RP1: variants seen among roughly 807,000 people sequenced by gnomAD.
The protein encoded by RP1 is RP1 axonemal microtubule associated.
A neutral mutation model predicts 14.8 loss-of-function variants in RP1; 16 were observed. That is an observed-to-expected ratio of 1.08 (90% CI 0.73 to 1.65). The LOEUF (loss-of-function observed/expected upper bound fraction) is 1.65, where lower values mean the gene tolerates loss of function less well. RP1 is among the 40% of genes most tolerant of loss of function. The pLI, the probability that RP1 is intolerant of heterozygous loss-of-function variation, is 0.00. For synonymous variants in RP1, 876 were observed against 883.6 expected, an observed-to-expected ratio of 0.99 and a Z score of 0.15; for missense variants, 2,631 against 2,535.0, an observed-to-expected ratio of 1.04 and a Z score of -0.81.
chr8:54,784,709 T>G (rs1363202761), intron 24 of RP1, among the ~76,000 whole-genome samples: 3 of 152,100 alleles, frequency 2.0e-5, no homozygotes, highest in Non-Finnish European at 4.4e-5. Context: ...GGTTATTAAA[T>G]CCTTATGACA....
chr8:54,734,529 C>T (rs1045738252), intron 17 of RP1: 5 of 1,527,132 alleles, frequency 3.3e-6, no homozygotes, highest in Non-Finnish European at 4.4e-6. Context: ...GCCACTAATG[C>T]TTTTTTCCCC....
chr8:54,853,498 C>G (rs1812103268), intron 26 of RP1, among the ~76,000 whole-genome samples: 1 of 152,148 alleles, frequency 6.6e-6, no homozygotes, highest in Non-Finnish European at 1.5e-5. Context: ...CCTTGGGGGA[C>G]AGAACTCATG....
At chr8:54,845,545 C>T (rs1255024721) in intron 25 of RP1, among the ~76,000 whole-genome samples, 1 of 152,184 alleles carries the variant, frequency 6.6e-6, no homozygotes, top group Non-Finnish European at 1.5e-5. Context: ...GCTCGGGCTA[C>T]AGAGAGTCCT....
chr8:54,599,366 G>C (rs760664991), intron 1 of RP1, among the ~76,000 whole-genome samples: 2 of 151,880 alleles, frequency 1.3e-5, no homozygotes, highest in South Asian at 4.2e-4. Context: ...ATTTGGAATT[G>C]CTTGTTGAAG....
intron 1 of RP1, among the ~76,000 whole-genome samples, chr8:54,605,643 A>G (rs1406290148): frequency 1.3e-5 from 2 of 152,134 alleles, no homozygotes; most frequent in South Asian, 2.1e-4. Flanking sequence ...GTGGGGTGTT[A>G]AAGTCTCCCA....
At chr8:54,803,971 G>A (rs1810780355) in intron 24 of RP1, among the ~76,000 whole-genome samples, 1 of 152,066 alleles carries the variant, frequency 6.6e-6, no homozygotes, top group African/African-American at 2.4e-5. Context: ...AGGAGGCTGA[G>A]GCAGGAGGAT....
At chr8:54,651,923 T>C (rs2129326030) in intron 4 of RP1, among the ~76,000 whole-genome samples, 1 of 152,268 alleles carries the variant, frequency 6.6e-6, no homozygotes, top group Non-Finnish European at 1.5e-5. Context: ...TATATTTTTG[T>C]TTTCACTTGT....
intron 12 of RP1, among the ~76,000 whole-genome samples, chr8:54,695,782 C>T (rs1185299762): frequency 6.6e-6 from 1 of 152,084 alleles, no homozygotes; most frequent in African/African-American, 2.4e-5. Context: ...AGTCAGAATT[C>T]CTAGTTCTTG....
intron 7 of RP1, among the ~76,000 whole-genome samples, chr8:54,667,575 G>A (rs1807047767): frequency 6.6e-6 from 1 of 152,068 alleles, no homozygotes; most frequent in South Asian, 2.1e-4. Context: ...TGCTATTTCT[G>A]GGATGTGGTT....
In RP1 at chr8:54,627,709, C is replaced by G; in HGVS notation, c.3827C>G (p.Pro1276Arg). Residue 1276 changes from proline (P) to arginine (R), a missense_variant, in exon 4 of 4, where the codon CCC becomes CGC. Transcript: ENST00000220676. ...TATTCTCCAAAAGAGACATGTAACC[C>G]CAGTGACACTTTTTTTCCTAGTGAT... ...KAYSPKETCN[P>R]SDTFFPSDGY... 1 of 1,614,150 alleles carries G rather than the reference C, an allele frequency of 6.2e-7. No homozygotes were observed. The highest frequency in any genetic ancestry group is 8.5e-7 in the Non-Finnish European group (1 of 1,179,996).
At chr8:54,592,879 A>G (rs1374868113) in intron 1 of RP1, among the ~76,000 whole-genome samples, 2 of 152,140 alleles carry the variant, frequency 1.3e-5, no homozygotes, top group African/African-American at 2.4e-5. Flanking sequence ...TCCTCTTATC[A>G]AGAAAGCAAA....
At position 54,630,433 on chromosome 8, in the gene RP1, T is replaced by A. The variant is rs997400571; in HGVS notation, c.*80T>A. On this transcript the variant is annotated 3_prime_UTR_variant, in exon 4 of 4. Transcript: ENST00000220676. Reference sequence around the variant, plus strand: ...GCACATGTGACGAATACGGACTAGATAACCTCTAAGAATTTTCCACTTCTT... The same window carrying A: ...GCACATGTGACGAATACGGACTAGAAAACCTCTAAGAATTTTCCACTTCTT... 2 of 1,573,940 alleles carry A rather than the reference T, an allele frequency of 1.3e-6. No individual in the cohort carries two copies. The highest frequency in any genetic ancestry group is 2.3e-5 in the East Asian group (1 of 43,784).
At chr8:54,600,501 C>G (rs1805250043) in intron 1 of RP1, among the ~76,000 whole-genome samples, 1 of 152,128 alleles carries the variant, frequency 6.6e-6, no homozygotes, top group South Asian at 2.1e-4. Flanking sequence ...AAAGTTCTGG[C>G]TTCCCTCTGG....
chr8:54,826,275 A>C (rs1362424529), intron 24 of RP1, among the ~76,000 whole-genome samples: 19 of 152,194 alleles, frequency 1.2e-4, no homozygotes. Context: ...ATGAACAGAA[A>C]GACAAGTCCT....
At chr8:54,822,026 A>G (rs1025586963) in intron 24 of RP1, among the ~76,000 whole-genome samples, 3 of 152,242 alleles carry the variant, frequency 2.0e-5, no homozygotes, top group African/African-American at 7.2e-5. Context: ...TAATAGTGAT[A>G]ATAATCATAG....
At chr8:54,710,993 A>G (rs1377424688) in intron 15 of RP1, among the ~76,000 whole-genome samples, 1 of 152,168 alleles carries the variant, frequency 6.6e-6, no homozygotes, top group Non-Finnish European at 1.5e-5. Context: ...GAGTTTTGCC[A>G]GGGGCCACTC....
At chr8:54,708,142 T>C (rs1160798520) in intron 15 of RP1, among the ~76,000 whole-genome samples, 2 of 152,148 alleles carry the variant, frequency 1.3e-5, no homozygotes, top group African/African-American at 4.8e-5. Context: ...AACCATGAGA[T>C]AATGTGTCAC....
At chr8:54,714,133 C>T (rs1245610788) in intron 15 of RP1, among the ~76,000 whole-genome samples, 1 of 152,120 alleles carries the variant, frequency 6.6e-6, no homozygotes, top group African/African-American at 2.4e-5. Flanking sequence ...ACCATGTTGT[C>T]CAGGATGGTC....
At chr8:54,696,906 A>G in intron 12 of RP1, 1 of 805,648 alleles carries the variant, frequency 1.2e-6, no homozygotes, top group South Asian at 1.3e-5. Flanking sequence ...CTGACAGACA[A>G]CACAGTGATT....
Sources: gnomAD v4.1 joint callset for allele counts (sites outside exome capture counted in the v4.1 genomes callset) on GRCh38, gnomAD v4.1.1 for gene constraint, MANE v1.5 for transcripts, NCBI Gene and HGNC (gene_info 2026-07-23, HGNC 2026-07-21) for gene names.